Variants in ATXN8OS observed in about 807,000 individuals in gnomAD.
ATXN8OS encodes the protein ATXN8 opposite strand lncRNA.
At chr13:70,142,055 T>C (rs990589941) in intron 3 of ATXN8OS, among the ~76,000 whole-genome samples, 18 of 152,082 alleles carry the variant, frequency 1.2e-4, no homozygotes, top group Non-Finnish European at 2.4e-4. Context: ...GGCTGATTTT[T>C]GTATTTTTAC....
chr13:70,111,100 G>A (rs193043142), intron 1 of ATXN8OS, among the ~76,000 whole-genome samples: 94 of 152,242 alleles, frequency 6.2e-4, no homozygotes, highest in African/African-American at 2.0e-3. Context: ...AAGGTTAATC[G>A]GGATACAGAA....
intron 4 of ATXN8OS, among the ~76,000 whole-genome samples, chr13:70,153,712 C>T (rs1888901460): frequency 3.3e-5 from 5 of 152,140 alleles, no homozygotes; most frequent in Non-Finnish European, 1.5e-5. Flanking sequence ...CAGGGTCTTG[C>T]TCTGTGACCT....
chr13:70,155,674 A>G (rs1888926888), intron 4 of ATXN8OS, among the ~76,000 whole-genome samples: 2 of 152,196 alleles, frequency 1.3e-5, no homozygotes, highest in South Asian at 2.1e-4. Context: ...ATTTTCATGC[A>G]AACCAAAGAT....
intron 3 of ATXN8OS, among the ~76,000 whole-genome samples, chr13:70,137,982 A>C (rs1193251732): frequency 6.6e-6 from 1 of 152,190 alleles, no homozygotes; most frequent in African/African-American, 2.4e-5. Context: ...GAGAGAGCAA[A>C]GGGGGAAGTG....
At chr13:70,142,958 A>G (rs1888737432) in intron 3 of ATXN8OS, among the ~76,000 whole-genome samples, 1 of 151,984 alleles carries the variant, frequency 6.6e-6, no homozygotes, top group Admixed American at 6.6e-5. Context: ...CTGTAATCCT[A>G]GTTACTCAGG....
intron 3 of ATXN8OS, among the ~76,000 whole-genome samples, chr13:70,130,293 A>T (rs1888512678): frequency 6.6e-6 from 1 of 151,966 alleles, no homozygotes; most frequent in South Asian, 2.1e-4. Context: ...AGTTAAAAAC[A>T]AATAGGTCTT....
intron 4 of ATXN8OS, among the ~76,000 whole-genome samples, chr13:70,166,847 T>C (rs1403339763): frequency 1.3e-5 from 2 of 151,768 alleles, no homozygotes; most frequent in Non-Finnish European, 2.9e-5. Context: ...CATCAAAAAG[T>C]GGGCAAAGGA....
intron 1 of ATXN8OS, among the ~76,000 whole-genome samples, chr13:70,112,198 A>C (rs1888206139): frequency 6.6e-6 from 1 of 152,140 alleles, no homozygotes; most frequent in Admixed American, 6.5e-5. Context: ...GAACAGAAAG[A>C]TGGACGCCCA....
At chr13:70,157,417 G>A (rs1050630385) in intron 4 of ATXN8OS, among the ~76,000 whole-genome samples, 2 of 151,638 alleles carry the variant, frequency 1.3e-5, no homozygotes, top group African/African-American at 4.8e-5. Flanking sequence ...CTTTCAGCAA[G>A]GATACATTGT....
intron 2 of ATXN8OS, among the ~76,000 whole-genome samples, chr13:70,124,053 TTTG>T (rs1213075167): frequency 6.6e-6 from 1 of 152,108 alleles, no homozygotes; most frequent in Non-Finnish European, 1.5e-5. Context: ...GTGAAAAGCA[TTTG>T]TTATTAAATT....
intron 3 of ATXN8OS, among the ~76,000 whole-genome samples, chr13:70,132,746 TTTTAGATA>T (rs1227802783): frequency 6.6e-6 from 1 of 152,220 alleles, no homozygotes; most frequent in South Asian, 2.1e-4. Flanking sequence ...TTGGCCTTCA[TTTTAGATA>T]ACATGTTAAA....
intron 4 of ATXN8OS, among the ~76,000 whole-genome samples, chr13:70,149,742 G>A (rs551553506): frequency 6.6e-6 from 1 of 152,176 alleles, no homozygotes; most frequent in South Asian, 2.1e-4. Flanking sequence ...GCTACTGCTG[G>A]GGCTAGGGAC....
chr13:70,151,228 A>G (rs553527540), intron 4 of ATXN8OS, among the ~76,000 whole-genome samples: 10 of 152,164 alleles, frequency 6.6e-5, no homozygotes, highest in Non-Finnish European at 1.5e-4. Flanking sequence ...CACCATGTTG[A>G]ACAGCAGATC....
intron 3 of ATXN8OS, among the ~76,000 whole-genome samples, chr13:70,140,962 G>A (rs1479129865): frequency 6.6e-6 from 1 of 152,154 alleles, no homozygotes; most frequent in African/African-American, 2.4e-5. Context: ...GTTGGGATTA[G>A]TGATTACAGT....
At chr13:70,152,458 T>G (rs1888882379) in intron 4 of ATXN8OS, among the ~76,000 whole-genome samples, 1 of 152,040 alleles carries the variant, frequency 6.6e-6, no homozygotes, top group African/African-American at 2.4e-5. Context: ...TGTGTATATG[T>G]GTATACATGT....
intron 1 of ATXN8OS, among the ~76,000 whole-genome samples, chr13:70,111,254 G>A (rs1360520162): frequency 2.0e-5 from 3 of 152,124 alleles, no homozygotes; most frequent in Non-Finnish European, 1.5e-5. Context: ...AATTGGCTTT[G>A]GATCTGTTTT....
At chr13:70,109,644 C>G (rs1888168881) in intron 1 of ATXN8OS, among the ~76,000 whole-genome samples, 1 of 152,186 alleles carries the variant, frequency 6.6e-6, no homozygotes, top group Non-Finnish European at 1.5e-5. Context: ...AACAGCTGGA[C>G]TGCAATCCCT....
intron 2 of ATXN8OS, among the ~76,000 whole-genome samples, chr13:70,117,510 T>C (rs1888297112): frequency 6.6e-6 from 1 of 152,122 alleles, no homozygotes; most frequent in African/African-American, 2.4e-5. Flanking sequence ...CCTATAAAGA[T>C]ATTTGCATAA....
At chr13:70,123,183 G>C (rs887313484) in intron 2 of ATXN8OS, among the ~76,000 whole-genome samples, 5 of 151,992 alleles carry the variant, frequency 3.3e-5, no homozygotes, top group Non-Finnish European at 7.4e-5. Flanking sequence ...ACTATAGATA[G>C]AAAATATTAC....
Sources: allele counts gnomAD v4.1 joint callset (sites outside exome capture counted in the v4.1 genomes callset), GRCh38; gene constraint gnomAD v4.1.1; transcripts MANE v1.5; gene names NCBI Gene and HGNC (gene_info 2026-07-23, HGNC 2026-07-21).